The following TBXAS1 variants were observed in gnomAD, a reference collection of about 807,000 sequenced individuals.
TBXAS1 encodes thromboxane-A synthase.
In TBXAS1, 48 loss-of-function variants were observed where a neutral mutation model predicts 60.7. The ratio of observed to expected loss-of-function variants is 0.79; its 90% CI spans 0.63 to 1.01. The LOEUF (loss-of-function observed/expected upper bound fraction) is 1.01. Ranked by LOEUF, TBXAS1 falls within the 50% of genes least tolerant of loss-of-function variation. The pLI, the probability that TBXAS1 is intolerant of heterozygous loss-of-function variation, is 0.00. For missense variants in TBXAS1, 685 were observed against 686.3 expected (o/e 1.00, Z 0.02); for synonymous variants, 287 against 269.7 (o/e 1.06, Z -0.63).
At chr7:139,871,858 G>T (rs887066101) in intron 1 of TBXAS1, among the ~76,000 whole-genome samples, 5 of 152,146 alleles carry the variant, frequency 3.3e-5, no homozygotes, top group African/African-American at 1.2e-4. Context: ...TTTTTACCTT[G>T]CCTTCTGAGC....
intron 9 of TBXAS1, among the ~76,000 whole-genome samples, chr7:139,964,922 T>G (rs932323890): frequency 1.3e-5 from 2 of 152,154 alleles, no homozygotes; most frequent in African/African-American, 4.8e-5. Flanking sequence ...ACACAGCAAG[T>G]GCTCATGTTA....
intron 1 of TBXAS1, among the ~76,000 whole-genome samples, chr7:139,856,413 G>A (rs915746966): frequency 1.3e-5 from 2 of 152,190 alleles, no homozygotes; most frequent in African/African-American, 2.4e-5. Flanking sequence ...CAGAACTGAG[G>A]GATGAGTGTG....
At chr7:139,793,168 A>G (rs1399457047) in intron 4 of TBXAS1, among the ~76,000 whole-genome samples, 1 of 152,184 alleles carries the variant, frequency 6.6e-6, no homozygotes, top group Non-Finnish European at 1.5e-5. Flanking sequence ...TAATCCCAGC[A>G]CTTTGGGGAA....
At chr7:139,865,600 GA>G in intron 1 of TBXAS1, among the ~76,000 whole-genome samples, 1 of 97,096 alleles carries the variant, frequency 1.0e-5, no homozygotes, top group African/African-American at 3.7e-5. Flanking sequence ...GGAGGAGGAG[GA>G]GGAAGAGGAG....
chr7:139,798,829 C>T (rs568550024), intron 4 of TBXAS1, among the ~76,000 whole-genome samples: 78 of 152,210 alleles, frequency 5.1e-4, no homozygotes, highest in Non-Finnish European at 7.5e-4. Flanking sequence ...ATTCTGATTC[C>T]GTGTGTGAAA....
intron 9 of TBXAS1, among the ~76,000 whole-genome samples, chr7:139,972,865 T>C (rs1811310609): frequency 6.6e-6 from 1 of 152,140 alleles, no homozygotes; most frequent in Non-Finnish European, 1.5e-5. Context: ...GCCTGGCACG[T>C]GAGAAATAGG....
chr7:139,928,627 TTTGATTC>T (rs981667839), intron 4 of TBXAS1, among the ~76,000 whole-genome samples: 1 of 152,020 alleles, frequency 6.6e-6, no homozygotes, highest in Non-Finnish European at 1.5e-5. Context: ...TGGGTCTCTA[TTTGATTC>T]CAGATTAATA....
At chr7:139,926,297 G>A (rs914476038) in intron 4 of TBXAS1, among the ~76,000 whole-genome samples, 1 of 152,140 alleles carries the variant, frequency 6.6e-6, no homozygotes, top group Non-Finnish European at 1.5e-5. Context: ...TCTTTGCTGG[G>A]AGACTTTTTA....
At position 140,016,492 on chromosome 7, in the gene TBXAS1, G is replaced by C. The variant is rs113249182; in HGVS notation, c.1364+632G>C. On this transcript the variant is annotated intron_variant, in intron 11 of 12. Transcript: ENST00000448866. ...TTCCATTCATTCAAGCCAGGACATG[G>C]GATACAGGATTGTATTTCAGGTCTG... 37 of 250,168 alleles carry C rather than the reference G, an allele frequency of 1.5e-4. 1 individual carries two copies. Among genetic ancestry groups the C allele is most frequent in the Middle Eastern group, 8.7e-4 (2 of 2,294 alleles). 15.5% of individuals were successfully genotyped at this position (250,168 alleles called of 1,614,324 possible).
intron 9 of TBXAS1, 62 bp downstream of exon 9, chr7:139,962,295 G>A: frequency 6.3e-7 from 1 of 1,594,270 alleles, no homozygotes; most frequent in Non-Finnish European, 8.6e-7. Flanking sequence ...TTTTGTGTTT[G>A]TGGGAGTGAA....
chr7:139,875,546 C>T (rs1437814585), intron 2 of TBXAS1, 39 bp from the exon 3 acceptor site: 1 of 1,574,372 alleles, frequency 6.4e-7, no homozygotes, highest in Admixed American at 1.7e-5. Context: ...TGGAATTTTG[C>T]TTAATCTTAT....
At chr7:139,981,168 C>T (rs1250446170) in intron 9 of TBXAS1, among the ~76,000 whole-genome samples, 9 of 152,110 alleles carry the variant, frequency 5.9e-5, no homozygotes, top group African/African-American at 1.2e-4. Flanking sequence ...AGTGCAGTGG[C>T]GCGATCTCGG....
chr7:139,856,238 C>T (rs575456760), intron 1 of TBXAS1, among the ~76,000 whole-genome samples: 1 of 152,136 alleles, frequency 6.6e-6, no homozygotes, highest in African/African-American at 2.4e-5. Context: ...CTAGGGGGAG[C>T]GAGAGTCCTT....
intron 4 of TBXAS1, among the ~76,000 whole-genome samples, chr7:139,923,201 C>A (rs1409993905): frequency 6.6e-6 from 1 of 150,738 alleles, no homozygotes; most frequent in Non-Finnish European, 1.5e-5. Context: ...GTGGCGCATG[C>A]CTGTAGTCCC....
intron 4 of TBXAS1, among the ~76,000 whole-genome samples, chr7:139,915,835 C>T (rs73158667): frequency 3.0e-4 from 46 of 152,326 alleles, no homozygotes; most frequent in South Asian, 6.2e-4. Flanking sequence ...GGATCCGGAG[C>T]GGCAGTTCTT....
rs1815418437 is a variant in TBXAS1 at position 140,019,947 on chromosome 7, C to T, written c.1528-78C>T. 3 of 1,435,534 alleles carry T rather than the reference C, an allele frequency of 2.1e-6. 1 individual carries two copies. In the South Asian group the frequency reaches 3.5e-5, roughly 17 times the overall value. 88.9% of individuals were successfully genotyped at this position (1,435,534 alleles called of 1,614,324 possible). On this transcript the variant is annotated intron_variant, in intron 12 of 12. Transcript: ENST00000448866. ...GACCTTGGACAACGGACTTGGCCTT[C>T]TTGAACCTCCAAGTCTTCATTTGTA...
intron 3 of TBXAS1, among the ~76,000 whole-genome samples, chr7:139,892,398 C>T (rs1354832214): frequency 1.3e-5 from 2 of 152,130 alleles, no homozygotes; most frequent in African/African-American, 4.8e-5. Context: ...CGAGACCAGC[C>T]TGACCAACAT....
intron 3 of TBXAS1, among the ~76,000 whole-genome samples, chr7:139,880,163 G>A (rs769173567): frequency 7.2e-5 from 11 of 152,200 alleles, no homozygotes; most frequent in South Asian, 2.1e-4. Context: ...AATTACAGGC[G>A]TGAGTCACCA....
At chr7:139,848,670 T>C (rs112234042) in intron 1 of TBXAS1, among the ~76,000 whole-genome samples, 2 of 152,284 alleles carry the variant, frequency 1.3e-5, no homozygotes, top group African/African-American at 4.8e-5. Flanking sequence ...AAATGTAAAA[T>C]GAAACAGTAA....
Sources: allele counts gnomAD v4.1 joint callset (sites outside exome capture counted in the v4.1 genomes callset), GRCh38; gene constraint gnomAD v4.1.1; transcripts MANE v1.5; gene names NCBI Gene and HGNC (gene_info 2026-07-23, HGNC 2026-07-21).